NSUN3: variants seen among roughly 807,000 people sequenced by gnomAD.
NSUN3 encodes tRNA (cytosine(34)-C(5))-methyltransferase, mitochondrial.
NSUN3 carries 24 observed loss-of-function variants against 36.8 expected under a neutral mutation model. The ratio of observed to expected loss-of-function variants is 0.65; its 90% CI spans 0.47 to 0.92. The LOEUF is 0.92. Among genes scored for constraint, NSUN3 ranks in the 40% least tolerant of loss-of-function variants. The pLI is 0.00. For missense variants in NSUN3, 381 were observed against 392.8 expected (o/e 0.97, Z 0.25); for synonymous variants, 146 against 145.2 (o/e 1.01, Z -0.04).
At chr3:94,089,097 TA>T (rs2077304647) in intron 3 of NSUN3, among the ~76,000 whole-genome samples, 1 of 152,250 alleles carries the variant, frequency 6.6e-6, no homozygotes, top group African/African-American at 2.4e-5. Context: ...AACAACATTT[TA>T]ACAAATTAAT....
Position 94,095,073 on chromosome 3 carries a change from T to C in NSUN3, c.662T>C (p.Leu221Ser), listed in dbSNP as rs2077331988. The change falls in exon 5 of 6, where the codon TTG becomes TCG. Residue 221 changes from leucine (L) to serine (S), a missense_variant. Physicochemically the swap from Leu to Ser is moderately radical, Grantham distance 145. Transcript: ENST00000314622. ...DAPCSNDRSW[L>S]FSSDSQKASC... The stretch of plus-strand genomic sequence containing the variant: ...CCGTGTTCAAATGATCGAAGCTGGT[T>C]GTTTTCTTCTGACTCTCAGAAGGCA... 4.3e-6 allele frequency: 7 copies of C among 1,613,946 alleles called. No homozygotes were observed. The highest frequency in any genetic ancestry group is 5.9e-6 in the Non-Finnish European group (7 of 1,179,942).
chr3:94,112,685 CGTA>C (rs1163800297), intron 5 of NSUN3, among the ~76,000 whole-genome samples: 2 of 152,104 alleles, frequency 1.3e-5, no homozygotes, highest in Non-Finnish European at 1.5e-5. Context: ...ATGGATCAGA[CGTA>C]GTCATATGGT....
chr3:94,094,929 A>G (rs570493713), intron 4 of NSUN3, 104 bp from the exon 5 acceptor site: 15 of 1,157,648 alleles, frequency 1.3e-5, no homozygotes, highest in Non-Finnish European at 1.9e-5. Flanking sequence ...GTTTTTACTT[A>G]TTTCCTATTT....
At chr3:94,121,960 C>A (rs2077464387) in intron 5 of NSUN3, among the ~76,000 whole-genome samples, 1 of 151,680 alleles carries the variant, frequency 6.6e-6, no homozygotes, top group Non-Finnish European at 1.5e-5. Flanking sequence ...GCCTGGCCAA[C>A]ATGGTGAAAC....
At chr3:94,072,683 T>A (rs541241794) in intron 2 of NSUN3, among the ~76,000 whole-genome samples, 2 of 152,242 alleles carry the variant, frequency 1.3e-5, no homozygotes, top group African/African-American at 4.8e-5. Context: ...GGGTTGGGTG[T>A]AGATCATGAA....
intron 5 of NSUN3, among the ~76,000 whole-genome samples, chr3:94,102,202 TAAAAA>T (rs5850923): frequency 4.9e-5 from 5 of 101,586 alleles, no homozygotes; most frequent in African/African-American, 1.9e-4. Context: ...AAAGAAACGT[TAAAAA>T]AAAAAAAAAA....
intron 5 of NSUN3, among the ~76,000 whole-genome samples, chr3:94,124,825 T>G (rs2077478912): frequency 6.6e-6 from 1 of 152,134 alleles, no homozygotes; most frequent in African/African-American, 2.4e-5. Flanking sequence ...GATTTTTTTG[T>G]TGTTGTTCTG....
In NSUN3 at chr3:94,064,471, AG is replaced by A; in HGVS notation, c.48del (p.Ile17PhefsTer24). Reference sequence around the variant, plus strand: ...AAATCAGAGGGGAAGCTTGCAAAACAGATTTGCAAAGTTGTGTTGGATCATT... The same window carrying A: ...AAATCAGAGGGGAAGCTTGCAAAACAATTTGCAAAGTTGTGTTGGATCATT... Reference protein sequence around the residue: ...KAKSEGKLAKQICKVVLDHFE... With the variant: ...KAKSEGKLAKXICKVVLDHFE... On this transcript the variant is annotated frameshift_variant, in exon 2 of 6. Transcript: ENST00000314622. LOFTEE classifies it high-confidence loss of function. 1 of 1,613,866 alleles carries A rather than the reference AG, an allele frequency of 6.2e-7. No individual in the cohort carries two copies. Among genetic ancestry groups the A allele is most frequent in the South Asian group, 1.1e-5 (1 of 91,068 alleles).
rs1337353784 is a variant in NSUN3 at position 94,094,294 on chromosome 3, G to A, written c.621G>A (p.Lys207=). ...ATGCCCAGCCTGAAATGTTTGACAA[G>A]GTACTTTTATTACATTGTGACAAAC... The part of the protein sequence containing the change: ...MGDAQPEMFD[K]VLVDAPCSND... The change falls in exon 4 of 6, where the codon AAG becomes AAA. Residue 207 remains lysine (K), a splice_region_variant and synonymous_variant. Transcript: ENST00000314622. 6.2e-7 allele frequency: 1 copy of A among 1,610,424 alleles called. No individual in the cohort carries two copies. Among genetic ancestry groups the A allele is most frequent in the Non-Finnish European group, 8.5e-7 (1 of 1,178,650 alleles).
At chr3:94,111,711 G>A (rs1646960938) in intron 5 of NSUN3, among the ~76,000 whole-genome samples, 1 of 151,916 alleles carries the variant, frequency 6.6e-6, no homozygotes, top group Admixed American at 6.6e-5. Flanking sequence ...TTATCCCACT[G>A]GAAGGTCTTC....
intron 5 of NSUN3, among the ~76,000 whole-genome samples, chr3:94,120,675 A>C (rs2077457693): frequency 6.6e-6 from 1 of 152,176 alleles, no homozygotes. Context: ...CAGTTCATCC[A>C]CTGATGGACA....
chr3:94,063,420 A>G (rs2077189963), intron 1 of NSUN3: 1 of 489,914 alleles, frequency 2.0e-6, no homozygotes, highest in Non-Finnish European at 3.7e-6. Context: ...GGGAGCTTAG[A>G]ACAGTGTCTG....
At chr3:94,084,663 G>A in intron 3 of NSUN3, 1 of 459,866 alleles carries the variant, frequency 2.2e-6, no homozygotes, top group South Asian at 3.8e-5. Context: ...AGGTGATTGG[G>A]AACAAAACTT....
At chr3:94,094,105 C>T (rs2077327408) in intron 3 of NSUN3, 35 bp from the exon 4 acceptor site, 1 of 1,488,316 alleles carries the variant, frequency 6.7e-7, no homozygotes, top group East Asian at 2.4e-5. Flanking sequence ...AGTTCCATTG[C>T]CTTCATTTGA....
At chr3:94,095,401 A>T (rs943523355) in intron 5 of NSUN3, among the ~76,000 whole-genome samples, 2 of 152,166 alleles carry the variant, frequency 1.3e-5, no homozygotes, top group African/African-American at 4.8e-5. Flanking sequence ...GGGCATAGGC[A>T]ATTTTACTGT....
chr3:94,088,699 GTCTC>G (rs1241101587), intron 3 of NSUN3, among the ~76,000 whole-genome samples: 3 of 144,656 alleles, frequency 2.1e-5, no homozygotes, highest in Admixed American at 6.9e-5. Context: ...TAGACATAGA[GTCTC>G]TCTCTGTCGC....
chr3:94,074,176 C>G (rs539439781), intron 2 of NSUN3, among the ~76,000 whole-genome samples: 1 of 152,134 alleles, frequency 6.6e-6, no homozygotes, highest in East Asian at 1.9e-4. Context: ...GTTTTGGTAC[C>G]AGTTCCATGC....
intron 3 of NSUN3, among the ~76,000 whole-genome samples, chr3:94,088,582 T>C (rs2077302132): frequency 6.6e-6 from 1 of 152,200 alleles, no homozygotes; most frequent in East Asian, 1.9e-4. Flanking sequence ...GTAGTTGTGC[T>C]ATTGACTATT....
In NSUN3 at chr3:94,086,839, T is replaced by A. The variant is rs536622654; in HGVS notation, c.466+2389T>A. ...CACTTATTTTTACTTCTACTCTATG[T>A]CCTTTGACATTGTTTTTATAAGTTA... On this transcript the variant is annotated intron_variant, in intron 3 of 5. Coordinates refer to ENST00000314622, the MANE Select transcript of NSUN3 (RefSeq NM_022072.5). Among the ~76,000 whole-genome samples the A allele has an allele frequency of 4.1e-4, 63 of 152,372 alleles. No individual in the cohort carries two copies. The South Asian group carries it at 0.013, about 31-fold the overall frequency.
Sources: allele counts gnomAD v4.1 joint callset (sites outside exome capture counted in the v4.1 genomes callset), GRCh38; gene constraint gnomAD v4.1.1; transcripts MANE v1.5; gene names NCBI Gene and HGNC (gene_info 2026-07-23, HGNC 2026-07-21).